OSBPL5: variants seen among roughly 807,000 people sequenced by gnomAD.
OSBPL5 encodes oxysterol-binding protein-related protein 5.
In OSBPL5, 71 loss-of-function variants were observed where a neutral mutation model predicts 111.2. The observed-to-expected ratio is 0.64, with a 90% CI of 0.53 to 0.78. The LOEUF (loss-of-function observed/expected upper bound fraction) is 0.78, where lower values mean the gene tolerates loss of function less well. Among genes scored for constraint, OSBPL5 ranks in the 30% least tolerant of loss-of-function variants. The pLI is 0.00. For missense variants in OSBPL5, 1,210 were observed against 1,189.3 expected (o/e 1.02, Z -0.26); for synonymous variants, 549 against 513.9 (o/e 1.07, Z -0.93).
chr11:3,125,622 G>A (rs1031054949), intron 3 of OSBPL5, among the ~76,000 whole-genome samples: 2 of 152,192 alleles, frequency 1.3e-5, no homozygotes, highest in South Asian at 2.1e-4. Context: ...TGGCTAACAC[G>A]GTGAAACCCG....
rs937743489 is a variant in OSBPL5 at position 3,162,360 on chromosome 11, T to G, written c.-22+2856A>C. 6.6e-6 allele frequency among the ~76,000 whole-genome samples: 1 copy of G among 151,994 alleles called. No individual in the cohort carries two copies. Among genetic ancestry groups the G allele is most frequent in the Non-Finnish European group, 1.5e-5 (1 of 67,996 alleles). ...ATTTGCAACAAAGGCCCTCTAGGAA[T>G]TCTGGATCCCTCTAAGCCAGCCAAG... On this transcript the variant is annotated intron_variant, in intron 1 of 21. Transcript: ENST00000263650. This position sits in a 1 kb window ranked among gnomAD's most constrained non-coding sequence, Gnocchi z 8.1.
chr11:3,118,404 C>T (rs903796789), intron 7 of OSBPL5, among the ~76,000 whole-genome samples: 4 of 152,156 alleles, frequency 2.6e-5, no homozygotes, highest in Non-Finnish European at 4.4e-5. Flanking sequence ...TTGATTGTCC[C>T]GCCTTTCCAG....
Position 3,107,527 on chromosome 11 carries a change from C to A in OSBPL5, c.867-72G>T. The A allele has an allele frequency of 6.5e-7, 1 of 1,533,022 alleles. No individual in the cohort carries two copies. Among genetic ancestry groups the A allele is most frequent in the Non-Finnish European group, 9.0e-7 (1 of 1,116,272 alleles). The allele number at this position is 1,533,022 out of a possible 1,614,324, so 95.0% of individuals were successfully genotyped here. A position where few individuals can be genotyped will look rare whatever the true frequency, so the allele number is the denominator to read the frequency against. ...CAGCACAGCCCTCTGGGCTGCCCAC[C>A]CCTCGCTGCTCCGCACTTCACATAC... On this transcript the variant is annotated intron_variant, in intron 8 of 21. Transcript: ENST00000263650. This position sits in a 1 kb window ranked among gnomAD's most constrained non-coding sequence, Gnocchi z 6.1.
chr11:3,108,568 G>A lies in OSBPL5; in HGVS notation c.692-623C>T, dbSNP rs1279904588. On this transcript the variant is annotated intron_variant, in intron 7 of 21. Coordinates refer to ENST00000263650, the MANE Select transcript of OSBPL5 (RefSeq NM_020896.4). ...GGCAGCGGTGGAGCAGGGGCTGGTC[G>A]ACAGCTGGGCGCCTCCAAGCCCCAC... Among the ~76,000 whole-genome samples the A allele has an allele frequency of 4.6e-5, 7 of 152,232 alleles. No homozygotes were observed. The South Asian group carries it at 1.2e-3, about 27-fold the overall frequency.
At chr11:3,089,711 C>T (rs1856991059) in intron 21 of OSBPL5, 135 bp downstream of exon 21, 2 of 755,252 alleles carry the variant, frequency 2.6e-6, no homozygotes, top group South Asian at 3.3e-5. Context: ...CATCACCCTG[C>T]AGGTCTTGTG....
intron 11 of OSBPL5, 101 bp from the exon 12 acceptor site, chr11:3,102,382 C>T: frequency 1.9e-6 from 2 of 1,076,372 alleles, no homozygotes; most frequent in Non-Finnish European, 2.8e-6. Context: ...GGGTGGGCTA[C>T]CCGCTGCCTG....
chr11:3,132,006 CAGG>C, intron 1 of OSBPL5, among the ~76,000 whole-genome samples: 1 of 85,622 alleles, frequency 1.2e-5, no homozygotes, highest in Non-Finnish European at 2.3e-5. Context: ...CCCTCCCTTT[CAGG>C]CATCCATCCA....
At position 3,113,654 on chromosome 11, in the gene OSBPL5, CA is replaced by C. The variant is rs71035486; in HGVS notation, c.692-5710del. Among the ~76,000 whole-genome samples the C allele has an allele frequency of 0.46, 67,029 of 145,932 alleles. 15,427 individuals carry two copies. The highest frequency in any genetic ancestry group is 0.52 in the Admixed American group (7,551 of 14,652). On this transcript the variant is annotated intron_variant, in intron 7 of 21. Coordinates refer to ENST00000263650, the MANE Select transcript of OSBPL5 (RefSeq NM_020896.4). This position sits in a 1 kb window ranked among gnomAD's most constrained non-coding sequence, Gnocchi z 4.8. ...GGGAGACTAGAGCAAGACTCCGTCT[CA>C]AAAAAAAAAAAATTTATATTGGTTT...
rs933495959 is a variant in OSBPL5 at position 3,092,907 on chromosome 11, G to A, written c.2092C>T (p.Leu698=). 7 of 1,563,614 alleles carry A rather than the reference G, an allele frequency of 4.5e-6. No homozygotes were observed. Among genetic ancestry groups the A allele is most frequent in the Non-Finnish European group, 6.1e-6 (7 of 1,153,774 alleles). Residue 698 remains leucine, a synonymous_variant, in exon 18 of 22, where the codon CTG becomes TTG. Coordinates refer to ENST00000263650, the MANE Select transcript of OSBPL5 (RefSeq NM_020896.4). The surrounding 1 kb of genome is among the most constrained non-coding windows in gnomAD (Gnocchi z 5.4). ...LMPWKPQLFH[L]DPITQEWHYR... is the part of the protein sequence containing the mutation. ...TGCCACTCCTGGGTGATGGGGTCCA[G>A]GTGGAACAGCTGCGGCTTCCAGGGC... is the stretch of plus-strand genomic sequence containing the variant.
At chr11:3,099,446 G>A (rs1160022669) in intron 14 of OSBPL5, among the ~76,000 whole-genome samples, 1 of 152,188 alleles carries the variant, frequency 6.6e-6, no homozygotes, top group African/African-American at 2.4e-5. Context: ...AGTGTGAGAT[G>A]TTAATAACAG....
Position 3,107,527 on chromosome 11 carries a change from C to T in OSBPL5, c.867-72G>A. On this transcript the variant is annotated intron_variant, in intron 8 of 21. Coordinates refer to ENST00000263650, the MANE Select transcript of OSBPL5 (RefSeq NM_020896.4). The surrounding 1 kb of genome is among the most constrained non-coding windows in gnomAD (Gnocchi z 6.1). ...CAGCACAGCCCTCTGGGCTGCCCAC[C>T]CCTCGCTGCTCCGCACTTCACATAC... 6.5e-7 allele frequency: 1 copy of T among 1,533,022 alleles called. No homozygotes were observed. Among genetic ancestry groups the T allele is most frequent in the Non-Finnish European group, 9.0e-7 (1 of 1,116,272 alleles). The allele number at this position is 1,533,022 out of a possible 1,614,324, so 95.0% of individuals were successfully genotyped here.
At chr11:3,143,111 C>G (rs1285148708) in intron 1 of OSBPL5, among the ~76,000 whole-genome samples, 6 of 45,148 alleles carry the variant, frequency 1.3e-4, no homozygotes, top group African/African-American at 4.1e-4. Flanking sequence ...GGTGCAGAGC[C>G]GGGCAGAGGA....
At chr11:3,103,900 G>GTTGCCCCCTTC (rs1564830966) in intron 10 of OSBPL5, among the ~76,000 whole-genome samples, 1 of 110,634 alleles carries the variant, frequency 9.0e-6, no homozygotes, top group East Asian at 2.3e-4. Context: ...TCCTGCCTCT[G>GTTGCCCCCTTC]CAGCCCCCTT....
In OSBPL5 at chr11:3,107,377, C is replaced by T. The variant is rs773509897; in HGVS notation, c.945G>A (p.Glu315=). ...ERENPEESDT[E]TQDHSRKTES... is the part of the protein sequence containing the mutation. ...CCGTCTTCCGGCTATGGTCCTGGGT[C>T]TCGGTATCTGACTCCTCAGGGTTCT... The change falls in exon 9 of 22, where the codon GAG becomes GAA. Residue 315 remains glutamate (E), a synonymous_variant. Transcript: ENST00000263650. The surrounding 1 kb of genome is among the most constrained non-coding windows in gnomAD (Gnocchi z 6.1). The T allele has an allele frequency of 6.2e-7, 1 of 1,614,068 alleles. No individual in the cohort carries two copies. Among genetic ancestry groups the T allele is most frequent in the South Asian group, 1.1e-5 (1 of 91,088 alleles).
chr11:3,117,477 G>C (rs998045394), intron 7 of OSBPL5, among the ~76,000 whole-genome samples: 1 of 152,158 alleles, frequency 6.6e-6, no homozygotes, highest in African/African-American at 2.4e-5. Flanking sequence ...CAATTTAAAA[G>C]CCTATGTAAA....
In OSBPL5 at chr11:3,092,330, A is replaced by G. The variant is rs950854510; in HGVS notation, c.2259+102T>C. 4 of 1,407,448 alleles carry G rather than the reference A, an allele frequency of 2.8e-6. No homozygotes were observed. The African/African-American group carries it at 4.3e-5, about 15-fold the overall frequency. 87.2% of individuals were successfully genotyped at this position (1,407,448 alleles called of 1,614,324 possible). A position where few individuals can be genotyped will look rare whatever the true frequency, so the allele number is the denominator to read the frequency against. On this transcript the variant is annotated intron_variant, in intron 19 of 21. Coordinates refer to ENST00000263650, the MANE Select transcript of OSBPL5 (RefSeq NM_020896.4). This position sits in a 1 kb window ranked among gnomAD's most constrained non-coding sequence, Gnocchi z 5.4. Reference sequence around the variant, plus strand: ...GGCTGGGGGATGAGGGCGTGAGGGAAACGGAGCGAGGGGAAGGGAGGAGTG... The same window carrying G: ...GGCTGGGGGATGAGGGCGTGAGGGAGACGGAGCGAGGGGAAGGGAGGAGTG...
At chr11:3,158,972 G>C (rs999460597) in intron 1 of OSBPL5, among the ~76,000 whole-genome samples, 3 of 152,126 alleles carry the variant, frequency 2.0e-5, no homozygotes, top group South Asian at 2.1e-4. Flanking sequence ...GTCAGGGATG[G>C]GGGTGCCTTA....
chr11:3,132,622 C>T (rs1474249159), intron 1 of OSBPL5, among the ~76,000 whole-genome samples: 2 of 152,148 alleles, frequency 1.3e-5, no homozygotes, highest in Admixed American at 6.5e-5. Context: ...CTTTATGTTC[C>T]CATTCCTGCT....
intron 1 of OSBPL5, among the ~76,000 whole-genome samples, chr11:3,158,367 C>T (rs924898928): frequency 1.4e-4 from 21 of 152,390 alleles, no homozygotes; most frequent in African/African-American, 4.8e-4. Flanking sequence ...GAGGGTGCCA[C>T]GTGGGAGCAC....
Sources: allele counts gnomAD v4.1 joint callset (sites outside exome capture counted in the v4.1 genomes callset), GRCh38; gene constraint gnomAD v4.1.1; non-coding constraint Gnocchi (gnomAD v3.1); transcripts MANE v1.5; gene names NCBI Gene and HGNC (gene_info 2026-07-23, HGNC 2026-07-21).